The following TKT variants were observed in gnomAD, a reference collection of about 807,000 sequenced individuals.
The protein encoded by TKT is epididymis luminal protein 107.
A neutral mutation model predicts 63.9 loss-of-function variants in TKT; 47 were observed. The observed-to-expected ratio is 0.74, with a 90% CI of 0.58 to 0.94. The LOEUF (loss-of-function observed/expected upper bound fraction) is 0.94. Ranked by LOEUF, TKT falls within the 40% of genes least tolerant of loss-of-function variation. TKT has a pLI of 0.00. For synonymous variants in TKT, 338 were observed against 334.1 expected (o/e 1.01, Z -0.13); for missense variants, 721 against 846.2 (o/e 0.85, Z 1.84).
intron 1 of TKT, among the ~76,000 whole-genome samples, chr3:53,242,584 C>T (rs1705329277): frequency 6.6e-6 from 1 of 152,176 alleles, no homozygotes; most frequent in African/African-American, 2.4e-5. Flanking sequence ...AAGACTCAGC[C>T]CAAGGCTAGC....
Position 53,225,319 on chromosome 3 carries a change from G to A in TKT, c.*437C>T, listed in dbSNP as rs1553675189. ...GCTGTGGGGACTTGGGGGAGGTGGGGCGGCCCTGAGAGTGCCTGGTCAGCT... is the reference window on the plus strand; with the variant it reads ...GCTGTGGGGACTTGGGGGAGGTGGGACGGCCCTGAGAGTGCCTGGTCAGCT... On this transcript the variant is annotated 3_prime_UTR_variant, in exon 14 of 14. Transcript: ENST00000462138. 6.5e-6 allele frequency: 1 copy of A among 153,156 alleles called. No homozygotes were observed. The highest frequency in any genetic ancestry group is 2.4e-5 in the African/African-American group (1 of 41,170). The allele number at this position is 153,156 out of a possible 1,614,324, so 9.5% of individuals were successfully genotyped here.
chr3:53,234,379 G>C (rs1204862124), intron 5 of TKT: 2 of 152,588 alleles, frequency 1.3e-5, no homozygotes, highest in African/African-American at 4.8e-5. Flanking sequence ...CTCAGCCAAT[G>C]CTGGGCCCCT....
chr3:53,246,851 CA>C (rs11305678), intron 1 of TKT, among the ~76,000 whole-genome samples: 91,269 of 133,610 alleles, frequency 0.68, 29,757 homozygotes, highest in Middle Eastern at 0.78. Context: ...AACTCCGTCT[CA>C]AAAAAAAAAA....
Position 53,240,232 on chromosome 3 carries a change from T to G in TKT, c.437+19A>C. 1 of 1,603,054 alleles carries G rather than the reference T, an allele frequency of 6.2e-7. No homozygotes were observed. The highest frequency in any genetic ancestry group is 8.5e-7 in the Non-Finnish European group (1 of 1,171,912). ...TCCCCAAAACTACCCAGGTTGGGGG[T>G]GGGGAGTAGGTGTGTTACCTGGCCT... On this transcript the variant is annotated intron_variant, in intron 4 of 13. Coordinates refer to ENST00000462138, the MANE Select transcript of TKT (RefSeq NM_001064.4).
At chr3:53,246,743 C>A (rs535781349) in intron 1 of TKT, among the ~76,000 whole-genome samples, 1 of 151,342 alleles carries the variant, frequency 6.6e-6, no homozygotes, top group African/African-American at 2.4e-5. Flanking sequence ...CCCAGCTACT[C>A]GGGAGGCTGA....
chr3:53,251,804 C>T (rs1316860085), intron 1 of TKT, among the ~76,000 whole-genome samples: 2 of 151,950 alleles, frequency 1.3e-5, no homozygotes, highest in African/African-American at 4.8e-5. Context: ...TACTCCAGAC[C>T]TGGTGGGTGA....
chr3:53,238,759 G>C (rs1705144293), intron 4 of TKT, among the ~76,000 whole-genome samples: 2 of 152,212 alleles, frequency 1.3e-5, no homozygotes, highest in African/African-American at 4.8e-5. Flanking sequence ...CCAACTGGAT[G>C]GCCTAGGCCA....
In TKT at chr3:53,229,022, T is replaced by C. The variant is rs1406426702; in HGVS notation, c.1380A>G (p.Leu460=). The C allele has an allele frequency of 1.9e-6, 3 of 1,614,018 alleles. No individual in the cohort carries two copies. Among genetic ancestry groups the C allele is most frequent in the Non-Finnish European group, 2.5e-6 (3 of 1,180,022 alleles). Residue 460 remains leucine (L), a synonymous_variant, in exon 10 of 14, where the codon CTA becomes CTG. Transcript: ENST00000462138. ...TGCAACCTACCTTTGTATTGGCGGC[T>C]AGTTCCACTGCCTTCTCTGTAGCAA... ...DGVATEKAVE[L]AANTKGICFI...
chr3:53,244,868 A>G (rs1416848205), intron 1 of TKT, among the ~76,000 whole-genome samples: 3 of 143,634 alleles, frequency 2.1e-5, no homozygotes, highest in Admixed American at 1.5e-4. Flanking sequence ...CAGGGCTAAC[A>G]AGCACACTTG....
chr3:53,232,410 C>CACAACCCCT (rs1332441220), intron 6 of TKT: 1 of 398,706 alleles, frequency 2.5e-6, no homozygotes, highest in Non-Finnish European at 4.4e-6. Flanking sequence ...CAGAACAAGC[C>CACAACCCCT]ACAACCCCTG....
intron 4 of TKT, 100 bp downstream of exon 4, chr3:53,240,151 C>T: frequency 4.3e-6 from 5 of 1,168,846 alleles, no homozygotes; most frequent in African/African-American, 1.5e-5. Flanking sequence ...CTGCCCTAGC[C>T]AGGAAAGAGG....
In TKT at chr3:53,242,162, G is replaced by C; in HGVS notation, c.188C>G (p.Pro63Arg). The change falls in exon 2 of 14, where the codon CCC becomes CGC. Residue 63 changes from proline to arginine, a missense_variant. Transcript: ENST00000462138. ...FHTMRYKSQD[P>R]RNPHNDRFVL... Reference sequence around the variant, plus strand: ...AAAGCGGTCATTGTGCGGATTCCGGGGGTCCTGGGACTTGTAGCGCATGGT... The same window carrying C: ...AAAGCGGTCATTGTGCGGATTCCGGCGGTCCTGGGACTTGTAGCGCATGGT... 6 of 1,614,152 alleles carry C rather than the reference G, an allele frequency of 3.7e-6. No individual in the cohort carries two copies. Among genetic ancestry groups the C allele is most frequent in the Non-Finnish European group, 5.1e-6 (6 of 1,180,034 alleles).
chr3:53,243,367 A>G (rs1705367373), intron 1 of TKT, among the ~76,000 whole-genome samples: 1 of 150,364 alleles, frequency 6.7e-6, no homozygotes, highest in Non-Finnish European at 1.5e-5. Context: ...CTGCTCCCAG[A>G]GGTCCTTCAC....
At chr3:53,236,616 G>C (rs1705044215) in intron 4 of TKT, among the ~76,000 whole-genome samples, 1 of 152,210 alleles carries the variant, frequency 6.6e-6, no homozygotes, top group Non-Finnish European at 1.5e-5. Flanking sequence ...ACATGATGGG[G>C]CTGAGCCAGA....
chr3:53,239,099 C>T (rs1215136520), intron 4 of TKT, among the ~76,000 whole-genome samples: 28 of 152,128 alleles, frequency 1.8e-4, no homozygotes, highest in African/African-American at 5.3e-4. Flanking sequence ...GTTTTAAAAA[C>T]GGGAGTTTCC....
At chr3:53,231,879 T>C in intron 6 of TKT, 1 of 344,590 alleles carries the variant, frequency 2.9e-6, no homozygotes, top group Non-Finnish European at 5.3e-6. Flanking sequence ...ATTCTCTTCC[T>C]CCCCACAACC....
chr3:53,247,835 T>A (rs1705585057), intron 1 of TKT, among the ~76,000 whole-genome samples: 1 of 152,082 alleles, frequency 6.6e-6, no homozygotes, highest in African/African-American at 2.4e-5. Context: ...AAGCCCTCCC[T>A]GACCACACTG....
intron 13 of TKT, 180 bp from the exon 14 acceptor site, chr3:53,226,111 GT>G (rs1704489639): frequency 1.8e-6 from 1 of 545,126 alleles, no homozygotes; most frequent in Admixed American, 3.5e-5. Flanking sequence ...AGACAGACAG[GT>G]ATCACCATGT....
chr3:53,239,883 T>C (rs1705195021), intron 4 of TKT, among the ~76,000 whole-genome samples: 1 of 151,776 alleles, frequency 6.6e-6, no homozygotes, highest in South Asian at 2.1e-4. Flanking sequence ...GGCCTGGGGG[T>C]GGGTCTTTCT....
Sources: allele counts gnomAD v4.1 joint callset (sites outside exome capture counted in the v4.1 genomes callset), GRCh38; gene constraint gnomAD v4.1.1; transcripts MANE v1.5; gene names NCBI Gene and HGNC (gene_info 2026-07-23, HGNC 2026-07-21).